Variants in ASIC2 observed in about 807,000 individuals in gnomAD.
The protein encoded by ASIC2 is acid sensing ion channel subunit 2.
ASIC2 carries 25 observed loss-of-function variants against 57.3 expected under a neutral mutation model. The observed-to-expected ratio is 0.44, with a 90% CI of 0.32 to 0.61. The LOEUF is 0.61. Among genes scored for constraint, ASIC2 ranks in the 20% least tolerant of loss-of-function variants. ASIC2 has a pLI of 0.06. For synonymous variants in ASIC2, 319 were observed against 307.5 expected, an observed-to-expected ratio of 1.04 and a Z score of -0.39; for missense variants, 641 against 738.1, an observed-to-expected ratio of 0.87 and a Z score of 1.52.
At chr17:33,604,767 A>G (rs72827214) in intron 1 of ASIC2, among the ~76,000 whole-genome samples, 3,176 of 152,196 alleles carry the variant, frequency 0.021, 57 homozygotes, top group East Asian at 0.071. Context: ...AGGGAGGCCC[A>G]TGTCAGACCC....
chr17:33,947,403 C>T (rs182672034), intron 1 of ASIC2, among the ~76,000 whole-genome samples: 3 of 152,242 alleles, frequency 2.0e-5, no homozygotes, highest in African/African-American at 7.2e-5. Flanking sequence ...CAACAGTGAA[C>T]TCAATTATAA....
chr17:33,539,879 C>T (rs765593696), intron 1 of ASIC2, among the ~76,000 whole-genome samples: 2 of 152,132 alleles, frequency 1.3e-5, no homozygotes, highest in East Asian at 1.9e-4. Context: ...GGACTTCTGT[C>T]GAAAAGGTGC....
chr17:33,932,109 C>G (rs1162364692), intron 1 of ASIC2, among the ~76,000 whole-genome samples: 4 of 152,098 alleles, frequency 2.6e-5, no homozygotes, highest in Non-Finnish European at 2.9e-5. Context: ...GCCACCTTCC[C>G]AGGGTGATCT....
At chr17:33,043,649 C>T (rs769942352) in intron 3 of ASIC2, among the ~76,000 whole-genome samples, 11 of 152,162 alleles carry the variant, frequency 7.2e-5, no homozygotes, top group South Asian at 2.1e-4. Context: ...CCACACATTG[C>T]TAAATATTCA....
intron 1 of ASIC2, among the ~76,000 whole-genome samples, chr17:33,580,928 T>A (rs1904415406): frequency 6.6e-6 from 1 of 152,212 alleles, no homozygotes; most frequent in South Asian, 2.1e-4. Context: ...ACCACCTTTT[T>A]GGTTTATGCG....
rs142793012 is a variant in ASIC2 at position 33,040,715 on chromosome 17, C to T, written c.988-12323G>A. Among the ~76,000 whole-genome samples the T allele has an allele frequency of 2.3e-3, 343 of 152,296 alleles. 1 individual carries two copies. Among genetic ancestry groups the T allele is most frequent in the Non-Finnish European group, 3.5e-3 (238 of 68,014 alleles). On this transcript the variant is annotated intron_variant, in intron 3 of 9. Transcript: ENST00000225823. The stretch of plus-strand genomic sequence containing the variant: ...TCTCTGAGAAAAACTGCCTTGGGAA[C>T]GGAGGCAAAAAGTCTCCTTTGCAGT...
chr17:33,484,814 G>T (rs1328536959), intron 1 of ASIC2, among the ~76,000 whole-genome samples: 2 of 152,192 alleles, frequency 1.3e-5, no homozygotes, highest in Admixed American at 1.3e-4. Flanking sequence ...AGGAGTTACT[G>T]CCCCTTTCCA....
At chr17:34,019,746 T>C (rs1907090321) in intron 1 of ASIC2, among the ~76,000 whole-genome samples, 1 of 152,242 alleles carries the variant, frequency 6.6e-6, no homozygotes, top group South Asian at 2.1e-4. Flanking sequence ...ATTTGCTTTA[T>C]TGTGGTGGTC....
At chr17:33,323,461 C>T in intron 1 of ASIC2, among the ~76,000 whole-genome samples, 1 of 152,152 alleles carries the variant, frequency 6.6e-6, no homozygotes. Flanking sequence ...GCCTATAATC[C>T]CAGCACTTTG....
At chr17:33,402,899 A>T (rs1277733523) in intron 1 of ASIC2, among the ~76,000 whole-genome samples, 1 of 152,236 alleles carries the variant, frequency 6.6e-6, no homozygotes, top group Non-Finnish European at 1.5e-5. Flanking sequence ...TGCAAATCAA[A>T]ATCACAGTGA....
At chr17:33,102,472 T>C (rs187364442) in intron 2 of ASIC2, among the ~76,000 whole-genome samples, 2 of 152,342 alleles carry the variant, frequency 1.3e-5, no homozygotes, top group East Asian at 1.9e-4. Flanking sequence ...TTTTTGACGC[T>C]ATTGCAGACA....
At chr17:33,535,624 TCTC>T (rs1357587308) in intron 1 of ASIC2, among the ~76,000 whole-genome samples, 2 of 152,090 alleles carry the variant, frequency 1.3e-5, no homozygotes, top group Non-Finnish European at 2.9e-5. Context: ...TGATGTGCCT[TCTC>T]CTCTCTCTAT....
intron 1 of ASIC2, among the ~76,000 whole-genome samples, chr17:33,858,583 C>A (rs1003962162): frequency 1.3e-5 from 2 of 152,242 alleles, no homozygotes; most frequent in Non-Finnish European, 2.9e-5. Flanking sequence ...CAGGAGCCGC[C>A]AGCGGGACAT....
At chr17:33,062,723 C>CT (rs1300264152) in intron 3 of ASIC2, among the ~76,000 whole-genome samples, 3 of 152,092 alleles carry the variant, frequency 2.0e-5, no homozygotes, top group African/African-American at 7.2e-5. Context: ...TCCTTGTTAA[C>CT]TTTCTGTCTC....
chr17:33,732,503 CTT>C (rs35048594), intron 1 of ASIC2, among the ~76,000 whole-genome samples: 3,599 of 127,252 alleles, frequency 0.028, 100 homozygotes, highest in African/African-American at 0.078. Context: ...TAAGGAAATT[CTT>C]TTTTTTTTTT....
At chr17:33,111,673 C>G (rs944055944) in intron 2 of ASIC2, among the ~76,000 whole-genome samples, 1 of 152,132 alleles carries the variant, frequency 6.6e-6, no homozygotes, top group African/African-American at 2.4e-5. Flanking sequence ...GCCTTCCTTC[C>G]CCCTACCTAC....
chr17:33,512,236 A>G (rs1053391611), intron 1 of ASIC2, among the ~76,000 whole-genome samples: 2 of 152,228 alleles, frequency 1.3e-5, no homozygotes, highest in African/African-American at 4.8e-5. Context: ...AAAGAGAAGC[A>G]TCTTTCAGTG....
At chr17:33,258,170 A>G (rs1432047193) in intron 1 of ASIC2, among the ~76,000 whole-genome samples, 1 of 152,224 alleles carries the variant, frequency 6.6e-6, no homozygotes, top group Non-Finnish European at 1.5e-5. Flanking sequence ...CATTACGTGA[A>G]TTCATTAATC....
At chr17:33,050,038 G>T (rs961612496) in intron 3 of ASIC2, among the ~76,000 whole-genome samples, 1 of 152,198 alleles carries the variant, frequency 6.6e-6, no homozygotes, top group Non-Finnish European at 1.5e-5. Flanking sequence ...AGATGGGAAT[G>T]TTAGGAAAGA....
Sources: gnomAD v4.1 joint callset for allele counts (sites outside exome capture counted in the v4.1 genomes callset) on GRCh38, gnomAD v4.1.1 for gene constraint, MANE v1.5 for transcripts, NCBI Gene and HGNC (gene_info 2026-07-23, HGNC 2026-07-21) for gene names.